Variants in ZNF81 observed in about 807,000 individuals in gnomAD.
The protein encoded by ZNF81 is zinc finger protein 81 (HFZ20).
A neutral mutation model predicts 32.3 loss-of-function variants in ZNF81; 5 were observed. That is an observed-to-expected ratio of 0.15 (90% CI 0.08 to 0.33). ZNF81 has a LOEUF of 0.33. Ranked by LOEUF, ZNF81 falls within the 10% of genes least tolerant of loss-of-function variation. ZNF81 has a pLI of 1.00. For missense variants in ZNF81, 379 were observed against 479.8 expected (o/e 0.79, Z 1.96); for synonymous variants, 163 against 166.8 (o/e 0.98, Z 0.17).
intron 2 of ZNF81, among the ~76,000 whole-genome samples, chrX:47,857,008 C>T (rs1556881971): frequency 9.0e-6 from 1 of 111,523 alleles, no homozygotes; most frequent in Admixed American, 9.5e-5. Flanking sequence ...AAATGATAGA[C>T]TTGGCCAAAA....
intron 2 of ZNF81, among the ~76,000 whole-genome samples, chrX:47,880,696 TAAAAG>T (rs1556885045): frequency 8.9e-6 from 1 of 112,297 alleles, no homozygotes; most frequent in Non-Finnish European, 1.9e-5. Context: ...AACTGTTACT[TAAAAG>T]AATTCATGCT....
Position 47,880,916 on chromosome X carries a change from G to A in ZNF81, c.55-7083G>A, listed in dbSNP as rs139012074. ...ACATCTGGTGAGGGCCTTCTCATTG[G>A]TGGGGACTCTGCAGGGTCCTGAGGT... On this transcript the variant is annotated intron_variant, in intron 2 of 4. Coordinates refer to ENST00000338637, the MANE Select transcript of ZNF81 (RefSeq NM_007137.5). Among the ~76,000 whole-genome samples, 3 of 111,948 alleles carry A rather than the reference G, an allele frequency of 2.7e-5. No individual in the cohort carries two copies. The East Asian group carries it at 8.4e-4, about 31-fold the overall frequency.
Position 47,922,676 on chromosome X carries a change from CAT to C in ZNF81, c.*6046_*6047del. Among the ~76,000 whole-genome samples, 1 of 111,610 alleles carries C rather than the reference CAT, an allele frequency of 9.0e-6. No homozygotes were observed. The highest frequency in any genetic ancestry group is 2.8e-4 in the East Asian group (1 of 3,567). On this transcript the variant is annotated 3_prime_UTR_variant, in exon 5 of 5. Transcript: ENST00000338637. ...AAAAGATGTACACACTACCACCTAT[CAT>C]AGATTTGACTAAGAAGCATATTTCT... is the stretch of plus-strand genomic sequence containing the variant.
Position 47,917,007 on chromosome X carries a change from A to G in ZNF81, c.*375A>G. On this transcript the variant is annotated 3_prime_UTR_variant, in exon 5 of 5. Transcript: ENST00000338637. ...TCAGGTTTACTGTGTTATATTAAGC[A>G]ATTTAAAGTGATAACAAAATGAAAG... is the stretch of plus-strand genomic sequence containing the variant. 3.7e-6 allele frequency: 1 copy of G among 271,398 alleles called. No individual in the cohort carries two copies. Among genetic ancestry groups the G allele is most frequent in the Non-Finnish European group, 6.5e-6 (1 of 153,155 alleles). The allele number at this position is 271,398 out of a possible 1,213,427, so 22.4% of individuals were successfully genotyped here.
chrX:47,894,319 G>C (rs1423719155), intron 3 of ZNF81, among the ~76,000 whole-genome samples: 1 of 111,342 alleles, frequency 9.0e-6, no homozygotes, highest in African/African-American at 3.3e-5. Flanking sequence ...CAGATATCAA[G>C]GGTGATCAGA....
chrX:47,901,780 TATA>T (rs72111825), intron 4 of ZNF81, among the ~76,000 whole-genome samples: 38,733 of 107,542 alleles, frequency 0.36, 5,441 homozygotes, highest in Non-Finnish European at 0.44. Flanking sequence ...GGGGTTCCCT[TATA>T]ATATCTTTGA....
intron 4 of ZNF81, among the ~76,000 whole-genome samples, chrX:47,897,934 T>C (rs782744207): frequency 1.8e-5 from 2 of 111,913 alleles, no homozygotes; most frequent in East Asian, 5.6e-4. Context: ...CAACTGCCAT[T>C]GGAAAGACAG....
At chrX:47,869,679 ATTTTGTTTTG>A (rs782420758) in intron 2 of ZNF81, among the ~76,000 whole-genome samples, 2 of 109,140 alleles carry the variant, frequency 1.8e-5, no homozygotes, top group African/African-American at 6.7e-5. Flanking sequence ...GTTTTTTTTT[ATTTTGTTTTG>A]TTTTGTTTTG....
chrX:47,844,299 C>G (rs2058462193), intron 1 of ZNF81, among the ~76,000 whole-genome samples: 1 of 111,648 alleles, frequency 9.0e-6, no homozygotes, highest in Non-Finnish European at 1.9e-5. Flanking sequence ...AAATCCTGTC[C>G]TCATTAGCAG....
intron 1 of ZNF81, among the ~76,000 whole-genome samples, chrX:47,845,481 C>G (rs1556880326): frequency 8.9e-6 from 1 of 111,874 alleles, no homozygotes. Context: ...CTTTTTTATT[C>G]TGAATTCAGG....
chrX:47,859,918 T>C (rs2058532796), intron 2 of ZNF81, among the ~76,000 whole-genome samples: 1 of 110,851 alleles, frequency 9.0e-6, no homozygotes, highest in Non-Finnish European at 1.9e-5. Flanking sequence ...AGACACAATA[T>C]ATATTTCCAA....
chrX:47,899,798 T>G (rs2058692384), intron 4 of ZNF81, among the ~76,000 whole-genome samples: 1 of 112,039 alleles, frequency 8.9e-6, no homozygotes, highest in African/African-American at 3.2e-5. Flanking sequence ...TTGTTTCATC[T>G]TTTGCCAGAC....
chrX:47,878,098 C>A (rs1556884755), intron 2 of ZNF81, among the ~76,000 whole-genome samples: 1 of 111,941 alleles, frequency 8.9e-6, no homozygotes, highest in Non-Finnish European at 1.9e-5. Flanking sequence ...CAGCTGTTGC[C>A]ATTCTTCCTT....
In ZNF81 at chrX:47,917,744, A is replaced by C. The variant is rs1319570450; in HGVS notation, c.*1112A>C. On this transcript the variant is annotated 3_prime_UTR_variant, in exon 5 of 5. Transcript: ENST00000338637. ...CCAGTTATTCCAGCTGATTTACAGA[A>C]TTGTGAGATAAATAAAATGATGATA... 8.4e-6 allele frequency: 1 copy of C among 118,413 alleles called. No homozygotes were observed. Among genetic ancestry groups the C allele is most frequent in the Non-Finnish European group, 1.7e-5 (1 of 57,778 alleles). The allele number at this position is 118,413 out of a possible 1,213,427, so 9.8% of individuals were successfully genotyped here.
At chrX:47,891,509 G>A (rs1232176208) in intron 3 of ZNF81, among the ~76,000 whole-genome samples, 1 of 112,322 alleles carries the variant, frequency 8.9e-6, no homozygotes, top group African/African-American at 3.2e-5. Flanking sequence ...GGCAGCTCTA[G>A]TGGCTTCACT....
chrX:47,891,979 A>G (rs1170250537), intron 3 of ZNF81, among the ~76,000 whole-genome samples: 1 of 111,292 alleles, frequency 9.0e-6, no homozygotes, highest in Non-Finnish European at 1.9e-5. Context: ...GAGTCTGTAA[A>G]TAGGCTCAAG....
At chrX:47,846,453 T>C (rs944703804) in intron 2 of ZNF81, 132 bp downstream of exon 2, 12 of 712,840 alleles carry the variant, frequency 1.7e-5, no homozygotes, top group Admixed American at 1.1e-4. Context: ...CTCATTTTTA[T>C]TGGTCATTTA....
intron 3 of ZNF81, 184 bp downstream of exon 3, chrX:47,888,309 A>G: frequency 1.7e-6 from 1 of 587,965 alleles, no homozygotes; most frequent in Admixed American, 3.6e-5. Flanking sequence ...ATCTAATATA[A>G]TTGGTGTCCT....
intron 2 of ZNF81, among the ~76,000 whole-genome samples, chrX:47,859,101 AAAAAGAAAG>A (rs2058529240): frequency 9.0e-6 from 1 of 110,641 alleles, no homozygotes; most frequent in African/African-American, 3.3e-5. Context: ...TCAAAAAAAA[AAAAAGAAAG>A]AAAAGAAAGG....
Sources: allele counts gnomAD v4.1 joint callset (sites outside exome capture counted in the v4.1 genomes callset), GRCh38; gene constraint gnomAD v4.1.1; transcripts MANE v1.5; gene names NCBI Gene and HGNC (gene_info 2026-07-23, HGNC 2026-07-21).